Variants in ROBO2 observed in about 807,000 individuals in gnomAD.
The protein encoded by ROBO2 is roundabout guidance receptor 2.
ROBO2 carries 53 observed loss-of-function variants against 160.8 expected under a neutral mutation model. The observed-to-expected ratio is 0.33, with a 90% CI of 0.26 to 0.41. The LOEUF is 0.41. Ranked by LOEUF, ROBO2 falls within the 10% of genes least tolerant of loss-of-function variation. The pLI, the probability that ROBO2 is intolerant of heterozygous loss-of-function variation, is 1.00. For synonymous variants in ROBO2, 664 were observed against 611.7 expected (o/e 1.09, Z -1.26); for missense variants, 1,577 against 1,722.4 (o/e 0.92, Z 1.49).
chr3:76,429,993 A>G (rs1422127639), intron 2 of ROBO2, among the ~76,000 whole-genome samples: 1 of 152,122 alleles, frequency 6.6e-6, no homozygotes, highest in African/African-American at 2.4e-5. Flanking sequence ...TGCCCAGGAC[A>G]CGGGGACACT....
chr3:77,192,270 A>G (rs1403201601), intron 2 of ROBO2, among the ~76,000 whole-genome samples: 3 of 152,130 alleles, frequency 2.0e-5, no homozygotes, highest in African/African-American at 7.2e-5. Context: ...GCTGAACATG[A>G]TTCTTTATTT....
At chr3:76,171,475 C>A (rs1267838939) in intron 2 of ROBO2, among the ~76,000 whole-genome samples, 1 of 151,804 alleles carries the variant, frequency 6.6e-6, no homozygotes, top group African/African-American at 2.4e-5. Context: ...TCCTTTATGT[C>A]TTTAAACTTA....
At chr3:76,136,981 A>G (rs563365540) in intron 2 of ROBO2, among the ~76,000 whole-genome samples, 57 of 152,160 alleles carry the variant, frequency 3.7e-4, no homozygotes, top group Non-Finnish European at 6.2e-4. Flanking sequence ...GAGGTGGAGT[A>G]TCTTTAACAA....
chr3:77,547,632 G>T (rs1404573019), intron 7 of ROBO2, among the ~76,000 whole-genome samples: 1 of 151,988 alleles, frequency 6.6e-6, no homozygotes, highest in Admixed American at 6.6e-5. Context: ...AGCTCATAGT[G>T]AGCAGTTCTA....
chr3:77,098,385 A>G, intron 2 of ROBO2, 45 bp downstream of exon 2: 1 of 1,591,106 alleles, frequency 6.3e-7, no homozygotes, highest in Non-Finnish European at 8.6e-7. Flanking sequence ...ACTTTTATTT[A>G]TTTCAAGTAA....
rs764708370 is a variant in ROBO2, at chr3:76,208,024, C to G, written c.109+270422C>G. 5.4e-4 allele frequency among the ~76,000 whole-genome samples: 82 copies of G among 152,296 alleles called. 1 individual carries two copies. Among genetic ancestry groups the G allele is most frequent in the African/African-American group, 1.9e-3 (79 of 41,552 alleles). On this transcript the variant is annotated intron_variant, in intron 2 of 26. Coordinates refer to the ROBO2 transcript ENST00000487694. ...TTTAAAAGTGTTTAGCACCTCCCCA[C>G]TGTTACTCTTCCTCCTGTTCCAGCC...
chr3:76,119,597 A>T (rs1304529921), intron 2 of ROBO2, among the ~76,000 whole-genome samples: 1 of 151,886 alleles, frequency 6.6e-6, no homozygotes, highest in African/African-American at 2.4e-5. Context: ...TTTTTCTTAT[A>T]CTTCTAGGGC....
chr3:76,857,008 C>T (rs948997569), intron 2 of ROBO2, among the ~76,000 whole-genome samples: 17 of 151,992 alleles, frequency 1.1e-4, no homozygotes, highest in Non-Finnish European at 8.8e-5. Flanking sequence ...TCTTTTGAGA[C>T]GGAGTCTTGC....
chr3:76,418,578 A>G (rs1450837618), intron 2 of ROBO2, among the ~76,000 whole-genome samples: 1 of 149,520 alleles, frequency 6.7e-6, no homozygotes, highest in Admixed American at 6.6e-5. Context: ...TGTTGGCCCA[A>G]TAAAAGTCTC....
At chr3:77,463,727 C>T (rs1223225892) in intron 2 of ROBO2, among the ~76,000 whole-genome samples, 1 of 152,030 alleles carries the variant, frequency 6.6e-6, no homozygotes, top group Non-Finnish European at 1.5e-5. Flanking sequence ...ACTACAGGCG[C>T]ACACCATTAC....
chr3:76,008,438 C>T (rs753679799), intron 2 of ROBO2, among the ~76,000 whole-genome samples: 2 of 151,792 alleles, frequency 1.3e-5, no homozygotes, highest in Non-Finnish European at 2.9e-5. Context: ...TTAGCAGTGT[C>T]GATGCCACCT....
intron 2 of ROBO2, among the ~76,000 whole-genome samples, chr3:76,324,347 A>G (rs903454577): frequency 2.3e-4 from 35 of 152,202 alleles, no homozygotes; most frequent in African/African-American, 8.2e-4. Context: ...ATCCCAGTCA[A>G]TGTGGTTGCT....
chr3:77,166,677 G>A (rs1053573454), intron 2 of ROBO2, among the ~76,000 whole-genome samples: 1 of 152,126 alleles, frequency 6.6e-6, no homozygotes, highest in Non-Finnish European at 1.5e-5. Context: ...TCCTGCCTCA[G>A]CCTCCCGAGT....
At chr3:76,350,788 C>G (rs1056133352) in intron 2 of ROBO2, among the ~76,000 whole-genome samples, 5 of 151,784 alleles carry the variant, frequency 3.3e-5, no homozygotes, top group Non-Finnish European at 4.4e-5. Context: ...AGTAGAAACA[C>G]TAAATAGAAT....
intron 2 of ROBO2, among the ~76,000 whole-genome samples, chr3:75,947,100 G>C (rs566924129): frequency 2.6e-5 from 4 of 152,216 alleles, no homozygotes; most frequent in Admixed American, 2.6e-4. Context: ...TGGATTTAGG[G>C]ACATGGGGGA....
intron 2 of ROBO2, among the ~76,000 whole-genome samples, chr3:76,627,762 A>G (rs2109383075): frequency 6.6e-6 from 1 of 152,364 alleles, no homozygotes; most frequent in South Asian, 2.1e-4. Context: ...AATGAAGTGC[A>G]TCTCGGGAAA....
intron 2 of ROBO2, among the ~76,000 whole-genome samples, chr3:76,860,040 T>G (rs995556514): frequency 1.3e-5 from 2 of 152,238 alleles, no homozygotes; most frequent in Admixed American, 6.5e-5. Context: ...GTGTCATTAT[T>G]TGTGTTATAA....
intron 2 of ROBO2, among the ~76,000 whole-genome samples, chr3:77,251,139 C>T (rs1580377853): frequency 6.6e-6 from 1 of 152,224 alleles, no homozygotes; most frequent in East Asian, 1.9e-4. Context: ...TGAACCCACC[C>T]CTGTGGCAAG....
chr3:76,869,517 T>C (rs1179664604), intron 2 of ROBO2, among the ~76,000 whole-genome samples: 2 of 151,772 alleles, frequency 1.3e-5, no homozygotes, highest in Non-Finnish European at 2.9e-5. Flanking sequence ...GCCTCGTATT[T>C]TTTTTGTATT....
Sources: allele counts gnomAD v4.1 joint callset (sites outside exome capture counted in the v4.1 genomes callset), GRCh38; gene constraint gnomAD v4.1.1; transcripts MANE v1.5; gene names NCBI Gene and HGNC (gene_info 2026-07-23, HGNC 2026-07-21).